The following SAMD4A variants were observed in gnomAD, a reference collection of about 807,000 sequenced individuals.
The protein encoded by SAMD4A is sterile alpha motif domain containing 4A.
Under a neutral mutation model 81.3 loss-of-function variants are expected in SAMD4A, and 33 were observed. The observed-to-expected ratio is 0.41, with a 90% CI of 0.31 to 0.54. SAMD4A has a LOEUF of 0.54. SAMD4A is among the 20% of genes least tolerant of loss of function. SAMD4A has a pLI of 0.37. For synonymous variants in SAMD4A, 389 were observed against 382.1 expected, an observed-to-expected ratio of 1.02 and a Z score of -0.21; for missense variants, 854 against 951.1, an observed-to-expected ratio of 0.90 and a Z score of 1.34.
chr14:54,758,378 G>A (rs964937352), intron 6 of SAMD4A, among the ~76,000 whole-genome samples: 10 of 152,166 alleles, frequency 6.6e-5, no homozygotes, highest in African/African-American at 2.2e-4. Flanking sequence ...TTTTCTGATC[G>A]ATTGATTGGA....
At chr14:54,691,549 CAAAAA>C (rs10610242) in intron 2 of SAMD4A, among the ~76,000 whole-genome samples, 2,301 of 101,068 alleles carry the variant, frequency 0.023, 67 homozygotes, top group African/African-American at 0.079. Flanking sequence ...CTTCCCTTCT[CAAAAA>C]AAAAAAAAAA....
intron 2 of SAMD4A, among the ~76,000 whole-genome samples, chr14:54,612,787 G>T (rs967834758): frequency 6.6e-6 from 1 of 152,112 alleles, no homozygotes; most frequent in Non-Finnish European, 1.5e-5. Context: ...AAGACTACCC[G>T]AGGCAGTCAG....
intron 3 of SAMD4A, among the ~76,000 whole-genome samples, chr14:54,716,137 A>G (rs1399206728): frequency 6.6e-6 from 1 of 152,228 alleles, no homozygotes; most frequent in Non-Finnish European, 1.5e-5. Context: ...TACTGGTCTT[A>G]TTCAAGTACC....
At chr14:54,720,781 A>T (rs962733990) in intron 3 of SAMD4A, among the ~76,000 whole-genome samples, 1 of 152,080 alleles carries the variant, frequency 6.6e-6, no homozygotes, top group Non-Finnish European at 1.5e-5. Flanking sequence ...CAGGTTCCCC[A>T]AACCACCAAT....
At chr14:54,758,081 T>C (rs1270169807) in intron 6 of SAMD4A, among the ~76,000 whole-genome samples, 2 of 146,948 alleles carry the variant, frequency 1.4e-5, no homozygotes, top group African/African-American at 2.5e-5. Flanking sequence ...AGAAGGAAGG[T>C]GGCAGACGCG....
At chr14:54,758,790 A>G (rs1485642015) in intron 6 of SAMD4A, among the ~76,000 whole-genome samples, 1 of 152,160 alleles carries the variant, frequency 6.6e-6, no homozygotes, top group Non-Finnish European at 1.5e-5. Flanking sequence ...AGATCATGCC[A>G]CTGCACTCTG....
intron 2 of SAMD4A, among the ~76,000 whole-genome samples, chr14:54,669,858 C>G (rs981789855): frequency 6.6e-6 from 1 of 152,114 alleles, no homozygotes; most frequent in East Asian, 1.9e-4. Context: ...CGGAGTGAAT[C>G]GAATAATATT....
intron 4 of SAMD4A, among the ~76,000 whole-genome samples, chr14:54,740,917 C>T (rs535146657): frequency 3.1e-4 from 47 of 152,252 alleles, no homozygotes; most frequent in African/African-American, 9.1e-4. Flanking sequence ...AAAGATCTCA[C>T]GCTAATATCT....
intron 2 of SAMD4A, among the ~76,000 whole-genome samples, chr14:54,571,880 G>T (rs2033139843): frequency 6.6e-6 from 1 of 152,182 alleles, no homozygotes; most frequent in Non-Finnish European, 1.5e-5. Flanking sequence ...GTCATTAGAG[G>T]GTGGGTATGT....
At chr14:54,646,823 G>C (rs149119322) in intron 2 of SAMD4A, among the ~76,000 whole-genome samples, 375 of 152,302 alleles carry the variant, frequency 2.5e-3, no homozygotes, top group African/African-American at 8.7e-3. Context: ...ATGATTAGTT[G>C]TATCCTGCCC....
intron 3 of SAMD4A, among the ~76,000 whole-genome samples, chr14:54,728,692 CTAAGT>C (rs1174338171): frequency 6.6e-6 from 1 of 152,156 alleles, no homozygotes; most frequent in Non-Finnish European, 1.5e-5. Context: ...TATCAAGGAG[CTAAGT>C]TAAGAATTAG....
At chr14:54,582,420 T>C (rs2033494052) in intron 2 of SAMD4A, among the ~76,000 whole-genome samples, 1 of 152,100 alleles carries the variant, frequency 6.6e-6, no homozygotes, top group Non-Finnish European at 1.5e-5. Context: ...AGAGCAGATA[T>C]GTTTGTGCGA....
intron 3 of SAMD4A, among the ~76,000 whole-genome samples, chr14:54,722,557 G>A (rs1042591953): frequency 5.3e-5 from 8 of 152,082 alleles, no homozygotes; most frequent in African/African-American, 1.9e-4. Context: ...ATGCTGTGAC[G>A]GATGAAGACC....
intron 2 of SAMD4A, chr14:54,701,066 A>G (rs2036704271): frequency 6.8e-6 from 1 of 146,486 alleles, no homozygotes; most frequent in Non-Finnish European, 1.5e-5. Flanking sequence ...TGGTGCAATC[A>G]CAGCTCACTG....
At chr14:54,681,674 C>G (rs1017524867) in intron 2 of SAMD4A, 1 of 382,254 alleles carries the variant, frequency 2.6e-6, no homozygotes, top group African/African-American at 2.2e-5. Flanking sequence ...TTAAGTGATC[C>G]TCCCACTTTG....
At chr14:54,644,194 T>C (rs777953129) in intron 2 of SAMD4A, among the ~76,000 whole-genome samples, 4 of 152,196 alleles carry the variant, frequency 2.6e-5, no homozygotes, top group Non-Finnish European at 5.9e-5. Flanking sequence ...ATCTCAGCCC[T>C]TACTGCTAAG....
intron 8 of SAMD4A, among the ~76,000 whole-genome samples, chr14:54,766,962 C>T (rs772530884): frequency 5.3e-5 from 8 of 152,112 alleles, no homozygotes; most frequent in Non-Finnish European, 1.2e-4. Flanking sequence ...CCTTGACCTC[C>T]GTGCAGCCCC....
intron 6 of SAMD4A, chr14:54,754,909 A>C: frequency 1.1e-6 from 1 of 951,130 alleles, no homozygotes; most frequent in African/African-American, 1.8e-5. Flanking sequence ...TGAGTCATAC[A>C]TGGTTCCTGC....
chr14:54,599,383 T>C (rs1186943957), intron 2 of SAMD4A, among the ~76,000 whole-genome samples: 2 of 152,336 alleles, frequency 1.3e-5, no homozygotes, highest in East Asian at 3.9e-4. Flanking sequence ...CGATCCATTA[T>C]AAGTAACCTG....
Sources: gnomAD v4.1 joint callset for allele counts (sites outside exome capture counted in the v4.1 genomes callset) on GRCh38, gnomAD v4.1.1 for gene constraint, MANE v1.5 for transcripts, NCBI Gene and HGNC (gene_info 2026-07-23, HGNC 2026-07-21) for gene names.